The following IGF2BP2 variants were observed in gnomAD, a reference collection of about 807,000 sequenced individuals.
The protein encoded by IGF2BP2 is insulin like growth factor 2 mRNA binding protein 2.
IGF2BP2 carries 17 observed loss-of-function variants against 75.8 expected under a neutral mutation model. That is an observed-to-expected ratio of 0.22 (90% CI 0.15 to 0.34). The LOEUF (loss-of-function observed/expected upper bound fraction) is 0.34. IGF2BP2 is among the 10% of genes least tolerant of loss of function. IGF2BP2 has a pLI of 1.00. For missense variants in IGF2BP2, 516 were observed against 772.4 expected (o/e 0.67, Z 3.93); for synonymous variants, 288 against 295.6 (o/e 0.97, Z 0.26).
intron 2 of IGF2BP2, among the ~76,000 whole-genome samples, chr3:185,801,741 A>G (rs1040431998): frequency 6.6e-6 from 1 of 152,166 alleles, no homozygotes; most frequent in African/African-American, 2.4e-5. Context: ...AGCACTATTT[A>G]CAACAGCAAA....
chr3:185,713,078 G>GTA (rs1190963756), intron 2 of IGF2BP2, among the ~76,000 whole-genome samples: 1 of 135,614 alleles, frequency 7.4e-6, no homozygotes, highest in Non-Finnish European at 1.7e-5. Context: ...ATATGTATGT[G>GTA]TGTGTGTGTG....
chr3:185,665,861 G>C (rs1717486579), intron 10 of IGF2BP2, among the ~76,000 whole-genome samples: 1 of 152,162 alleles, frequency 6.6e-6, no homozygotes, highest in Non-Finnish European at 1.5e-5. Context: ...CAGCTACTTG[G>C]GAGGCTGAGG....
chr3:185,648,682 G>A (rs1353426355), intron 14 of IGF2BP2, among the ~76,000 whole-genome samples: 1 of 152,040 alleles, frequency 6.6e-6, no homozygotes, highest in Non-Finnish European at 1.5e-5. Flanking sequence ...ACATACCTGG[G>A]TCTACAGACC....
intron 2 of IGF2BP2, chr3:185,821,144 G>T (rs922369207): frequency 1.4e-5 from 20 of 1,458,934 alleles, no homozygotes; most frequent in Non-Finnish European, 1.6e-5. Flanking sequence ...AGTACAAGTA[G>T]CTAATTTCTG....
At chr3:185,730,428 C>CT (rs71632076) in intron 2 of IGF2BP2, among the ~76,000 whole-genome samples, 5,056 of 96,668 alleles carry the variant, frequency 0.052, 211 homozygotes, top group East Asian at 0.093. Flanking sequence ...GCGCAGGTGT[C>CT]TTTTTTTTTT....
intron 2 of IGF2BP2, among the ~76,000 whole-genome samples, chr3:185,803,703 A>AAATATTATTAAT (rs1314320162): frequency 1.3e-5 from 2 of 152,250 alleles, no homozygotes; most frequent in Non-Finnish European, 2.9e-5. Flanking sequence ...CTGAATAGTG[A>AAATATTATTAAT]AATATTATTA....
intron 2 of IGF2BP2, among the ~76,000 whole-genome samples, chr3:185,808,423 T>C (rs1176735466): frequency 3.3e-5 from 5 of 152,232 alleles, no homozygotes; most frequent in African/African-American, 1.2e-4. Context: ...GAGGCTGTAG[T>C]GAGCCAACAT....
intron 2 of IGF2BP2, among the ~76,000 whole-genome samples, chr3:185,783,173 CAA>C (rs1271492624): frequency 6.6e-6 from 1 of 152,096 alleles, no homozygotes; most frequent in Non-Finnish European, 1.5e-5. Context: ...ACTTGCAAAC[CAA>C]GAGTGGTCCT....
chr3:185,703,027 T>A (rs1299745140), intron 2 of IGF2BP2, among the ~76,000 whole-genome samples: 13 of 152,136 alleles, frequency 8.5e-5, no homozygotes, highest in Non-Finnish European at 1.5e-5. Context: ...ACTAAGTGTG[T>A]GGGAAAGGGC....
intron 2 of IGF2BP2, among the ~76,000 whole-genome samples, chr3:185,755,997 C>T (rs773560266): frequency 5.3e-5 from 8 of 152,110 alleles, no homozygotes; most frequent in Non-Finnish European, 1.0e-4. Context: ...GACAGAATGA[C>T]ATGGTTTGGA....
At chr3:185,807,726 G>A (rs542802493) in intron 2 of IGF2BP2, among the ~76,000 whole-genome samples, 20 of 152,334 alleles carry the variant, frequency 1.3e-4, no homozygotes, top group African/African-American at 4.6e-4. Context: ...AAGAAAAGGT[G>A]ATGTCACTCT....
intron 2 of IGF2BP2, among the ~76,000 whole-genome samples, chr3:185,705,963 T>G (rs1723965457): frequency 6.6e-6 from 1 of 152,220 alleles, no homozygotes; most frequent in South Asian, 2.1e-4. Context: ...CTGAGATTAA[T>G]TCATTTATCT....
chr3:185,818,720 C>T (rs919724996), intron 2 of IGF2BP2, among the ~76,000 whole-genome samples: 1 of 152,176 alleles, frequency 6.6e-6, no homozygotes, highest in African/African-American at 2.4e-5. Flanking sequence ...CAGCTACAGA[C>T]AGCAAATATT....
intron 2 of IGF2BP2, among the ~76,000 whole-genome samples, chr3:185,725,760 C>T (rs182620058): frequency 1.8e-4 from 27 of 152,216 alleles, no homozygotes; most frequent in Non-Finnish European, 3.4e-4. Context: ...CTGCTTGAGG[C>T]CAGGAGTTCT....
At chr3:185,824,295 C>T (rs1741751591) in intron 1 of IGF2BP2, among the ~76,000 whole-genome samples, 2 of 148,788 alleles carry the variant, frequency 1.3e-5, no homozygotes, top group African/African-American at 5.0e-5. Context: ...CAGGAGACGC[C>T]AGAGGGCGAG....
intron 12 of IGF2BP2, among the ~76,000 whole-genome samples, chr3:185,654,648 T>A (rs1417222225): frequency 6.6e-6 from 1 of 152,234 alleles, no homozygotes; most frequent in Admixed American, 6.5e-5. Context: ...TTTTGGAATG[T>A]CATTCCATGC....
intron 7 of IGF2BP2, among the ~76,000 whole-genome samples, chr3:185,679,413 A>G (rs921219025): frequency 2.6e-5 from 4 of 151,960 alleles, no homozygotes; most frequent in African/African-American, 4.8e-5. Context: ...ACAAATTAAC[A>G]TCTTTATATG....
rs199526152 is a variant in IGF2BP2, at chr3:185,658,333, G to C, written c.1269+8C>G. ...TGGCAGGTGCGGCTGAACTGAGGGG[G>C]CACTTACAGAGTGATGATGCGGGAA... On this transcript the variant is annotated splice_region_variant and intron_variant, in intron 11 of 15. Transcript: ENST00000382199. The C allele has an allele frequency of 8.1e-6, 13 of 1,613,270 alleles. No homozygotes were observed. The highest frequency in any genetic ancestry group is 1.1e-5 in the South Asian group (1 of 91,040).
intron 7 of IGF2BP2, among the ~76,000 whole-genome samples, chr3:185,680,945 T>A (rs1479000771): frequency 6.6e-6 from 1 of 152,100 alleles, no homozygotes; most frequent in Non-Finnish European, 1.5e-5. Flanking sequence ...TACTTCAACA[T>A]AAGACCATTT....
Sources: gnomAD v4.1 joint callset for allele counts (sites outside exome capture counted in the v4.1 genomes callset) on GRCh38, gnomAD v4.1.1 for gene constraint, MANE v1.5 for transcripts, NCBI Gene and HGNC (gene_info 2026-07-23, HGNC 2026-07-21) for gene names.